The following CDK5RAP2 variants were observed in gnomAD, a reference collection of about 807,000 sequenced individuals.
CDK5RAP2 encodes the protein CDK5 regulatory subunit-associated protein 2.
CDK5RAP2 carries 147 observed loss-of-function variants against 232.9 expected under a neutral mutation model. The observed-to-expected ratio is 0.63, with a 90% confidence interval of 0.55 to 0.72. CDK5RAP2 has a LOEUF of 0.72. CDK5RAP2 is among the 30% of genes least tolerant of loss of function. The probability of loss-of-function intolerance (pLI) is 0.00; values close to 1 mark genes in which losing one functional copy is unlikely to be tolerated. For synonymous variants in CDK5RAP2, 833 were observed against 833.7 expected, an observed-to-expected ratio of 1.00 and a Z score of 0.01; for missense variants, 2,195 against 2,231.5, an observed-to-expected ratio of 0.98 and a Z score of 0.33.
intron 32 of CDK5RAP2, chr9:120,406,268 T>A (rs1043649532): frequency 3.3e-5 from 5 of 152,248 alleles, no homozygotes; most frequent in African/African-American, 1.2e-4. Context: ...GGTGTCAGGA[T>A]GATAATCCCA....
intron 18 of CDK5RAP2, among the ~76,000 whole-genome samples, chr9:120,462,560 A>G (rs1268079134): frequency 1.3e-5 from 2 of 152,230 alleles, no homozygotes; most frequent in East Asian, 3.8e-4. Context: ...CATGCAATGG[A>G]ATACTACCTG....
intron 35 of CDK5RAP2, among the ~76,000 whole-genome samples, chr9:120,395,762 AAGAG>A (rs144255183): frequency 0.021 from 3,140 of 152,356 alleles, 50 homozygotes; most frequent in East Asian, 0.042. Flanking sequence ...TGTGTATTAA[AAGAG>A]AGAACTGGTT....
intron 22 of CDK5RAP2, among the ~76,000 whole-genome samples, chr9:120,444,065 T>C (rs1393426762): frequency 6.6e-6 from 1 of 152,270 alleles, no homozygotes; most frequent in East Asian, 1.9e-4. Context: ...AGGTAGCACC[T>C]GGAGTTGAGG....
Position 120,571,968 on chromosome 9 carries a change from A to T in CDK5RAP2, c.127+6T>A. The T allele has an allele frequency of 1.2e-6, 2 of 1,610,702 alleles. No homozygotes were observed. The highest frequency in any genetic ancestry group is 1.7e-6 in the Non-Finnish European group (2 of 1,176,846). On this transcript the variant is annotated splice_donor_region_variant and intron_variant, in intron 2 of 37. Transcript: ENST00000349780. Reference sequence around the variant, plus strand: ...CTCAAGAGAATGCCTGGTTTTGTGTACTTACGACCATTTCCCAACCCAGCA... The same window carrying T: ...CTCAAGAGAATGCCTGGTTTTGTGTTCTTACGACCATTTCCCAACCCAGCA...
intron 3 of CDK5RAP2, among the ~76,000 whole-genome samples, chr9:120,558,113 G>A (rs1392912781): frequency 3.5e-5 from 5 of 141,748 alleles, no homozygotes; most frequent in African/African-American, 1.0e-4. Context: ...GGTGACTCAC[G>A]CCTGTAATCC....
At chr9:120,412,309 C>T (rs2033898915) in intron 28 of CDK5RAP2, among the ~76,000 whole-genome samples, 1 of 152,204 alleles carries the variant, frequency 6.6e-6, no homozygotes, top group South Asian at 2.1e-4. Flanking sequence ...CAGACAGATG[C>T]TTCCCTCCCT....
At chr9:120,529,493 C>T (rs1806362269) in intron 8 of CDK5RAP2, among the ~76,000 whole-genome samples, 1 of 152,184 alleles carries the variant, frequency 6.6e-6, no homozygotes, top group African/African-American at 2.4e-5. Flanking sequence ...ATGAGCTCTA[C>T]CTTGCCAGGT....
chr9:120,492,626 T>C (rs767667943), intron 12 of CDK5RAP2, among the ~76,000 whole-genome samples: 4 of 152,162 alleles, frequency 2.6e-5, no homozygotes, highest in Non-Finnish European at 5.9e-5. Context: ...CAGACAGAAA[T>C]TGTTCCAATA....
chr9:120,488,769 T>C (rs73660261), intron 13 of CDK5RAP2, among the ~76,000 whole-genome samples: 10,667 of 152,318 alleles, frequency 0.07, 1,195 homozygotes, highest in African/African-American at 0.24. Flanking sequence ...CTTAGCCATA[T>C]GGTGTTCCGT....
chr9:120,471,920 T>C (rs968719506), intron 15 of CDK5RAP2, 42 bp from the exon 16 acceptor site: 3 of 1,613,138 alleles, frequency 1.9e-6, no homozygotes, highest in Non-Finnish European at 2.5e-6. Context: ...ACAGACCTAT[T>C]TGTACTTTTA....
intron 32 of CDK5RAP2, 108 bp from the exon 33 acceptor site, chr9:120,404,221 C>G: frequency 1.3e-6 from 1 of 758,906 alleles, no homozygotes; most frequent in Non-Finnish European, 2.3e-6. Flanking sequence ...TCCATACACA[C>G]ACAGCATTCC....
rs149763209 is a variant in CDK5RAP2 at position 120,539,282 on chromosome 9, T to C, written c.384-118A>G. ...TTTCTCCCACAGACCTGTGCTGAGCTTCTTTTTCTTTAGCTTAATATTTAT... is the reference window on the plus strand; with the variant it reads ...TTTCTCCCACAGACCTGTGCTGAGCCTCTTTTTCTTTAGCTTAATATTTAT... On this transcript the variant is annotated intron_variant, in intron 5 of 37. Coordinates refer to ENST00000349780, the MANE Select transcript of CDK5RAP2 (RefSeq NM_018249.6). 14 of 1,230,514 alleles carry C rather than the reference T, an allele frequency of 1.1e-5. No individual in the cohort carries two copies. The Admixed American group carries it at 2.7e-4, about 24-fold the overall frequency. 76.2% of individuals were successfully genotyped at this position (1,230,514 alleles called of 1,614,324 possible). A position where few individuals can be genotyped will look rare whatever the true frequency, so the allele number is the denominator to read the frequency against.
At chr9:120,406,619 T>C (rs2033461597) in intron 32 of CDK5RAP2, 1 of 219,896 alleles carries the variant, frequency 4.5e-6, no homozygotes, top group Non-Finnish European at 9.1e-6. Context: ...ATCAGGATGA[T>C]TTTCAGATCC....
chr9:120,509,663 AGC>A, intron 12 of CDK5RAP2, among the ~76,000 whole-genome samples: 1 of 152,230 alleles, frequency 6.6e-6, no homozygotes, highest in Non-Finnish European at 1.5e-5. Context: ...TCATCAAAAT[AGC>A]TACCAATTAT....
chr9:120,483,615 C>G (rs955549101), intron 14 of CDK5RAP2, among the ~76,000 whole-genome samples: 1 of 152,238 alleles, frequency 6.6e-6, no homozygotes, highest in East Asian at 1.9e-4. Flanking sequence ...CTTAACTAAT[C>G]CACTTCCATT....
intron 15 of CDK5RAP2, among the ~76,000 whole-genome samples, chr9:120,475,053 A>C (rs1399813588): frequency 6.6e-6 from 1 of 152,346 alleles, no homozygotes; most frequent in African/African-American, 2.4e-5. Flanking sequence ...TGCTTACTAC[A>C]TGCCAGGAAG....
rs201067585 is a variant in CDK5RAP2 at position 120,448,066 on chromosome 9, A to T, written c.2854T>A (p.Tyr952Asn). 6.2e-7 allele frequency: 1 copy of T among 1,614,170 alleles called. No individual in the cohort carries two copies. Among genetic ancestry groups the T allele is most frequent in the African/African-American group, 1.3e-5 (1 of 75,046 alleles). ...IKPSRSLGNM[Y>N]RLPATQEVVT... ...ACCTCCTGGGTGGCAGGGAGACGATACATATTTCCTAATGACCGGGATGGT... is the reference window on the plus strand; with the variant it reads ...ACCTCCTGGGTGGCAGGGAGACGATTCATATTTCCTAATGACCGGGATGGT... The change falls in exon 22 of 38, where the codon TAT becomes AAT. Residue 952 changes from tyrosine to asparagine, a missense_variant. Coordinates refer to ENST00000349780, the MANE Select transcript of CDK5RAP2 (RefSeq NM_018249.6).
rs764922734 is a variant in CDK5RAP2 at position 120,518,587 on chromosome 9, C to A, written c.1151G>T (p.Arg384Leu). 6.2e-7 allele frequency: 1 copy of A among 1,613,642 alleles called. No homozygotes were observed. The highest frequency in any genetic ancestry group is 1.7e-5 in the Admixed American group (1 of 59,932). The stretch of plus-strand genomic sequence containing the variant: ...TGTACTCTTGGTGAGGTTTTGTGAG[C>A]GCAGCGCAGCCGAAAGGGCTTCCTT... ...SGKEALSAAL[R>L]SQNLTKSTEN... is the part of the protein sequence containing the mutation. Residue 384 changes from arginine (R) to leucine (L), a missense_variant, in exon 12 of 38, where the codon CGC becomes CTC. Physicochemically the swap from Arg to Leu is moderately radical, Grantham distance 102. Transcript: ENST00000349780.
intron 26 of CDK5RAP2, among the ~76,000 whole-genome samples, chr9:120,422,480 A>G (rs550746439): frequency 2.0e-5 from 3 of 152,364 alleles, no homozygotes; most frequent in Non-Finnish European, 2.9e-5. Flanking sequence ...AGATGACACA[A>G]GTAACCTGAA....
Sources: gnomAD v4.1 joint callset for allele counts (sites outside exome capture counted in the v4.1 genomes callset) on GRCh38, gnomAD v4.1.1 for gene constraint, MANE v1.5 for transcripts, NCBI Gene and HGNC (gene_info 2026-07-23, HGNC 2026-07-21) for gene names.